Variants in OR2L2 observed in about 807,000 individuals in gnomAD.
The protein encoded by OR2L2 is olfactory receptor family 2 subfamily L member 2.
For synonymous variants in OR2L2, 156 were observed against 135.4 expected, an observed-to-expected ratio of 1.15 and a Z score of -1.06; for missense variants, 378 against 375.2, an observed-to-expected ratio of 1.01 and a Z score of -0.06.
rs1384868111 is a variant in OR2L2, at chr1:248,039,011, C to G, written c.744C>G (p.Ser248=). Residue 248 remains serine, a synonymous_variant, in exon 3 of 3, where the codon TCC becomes TCG. Coordinates refer to ENST00000641771, the MANE Select transcript of OR2L2 (RefSeq NM_001385855.1). ...STCSTHLTVV[S]FYYAPFAYTY... is the part of the protein sequence containing the mutation. ...GTAGCACCCACCTCACTGTAGTGTC[C>G]TTCTACTATGCACCCTTTGCTTATA... The G allele has an allele frequency of 6.2e-7, 1 of 1,614,044 alleles. No homozygotes were observed. The highest frequency in any genetic ancestry group is 8.5e-7 in the Non-Finnish European group (1 of 1,179,996).
At chr1:248,032,152 A>G (rs935730781) in intron 1 of OR2L2, among the ~76,000 whole-genome samples, 1 of 152,118 alleles carries the variant, frequency 6.6e-6, no homozygotes, top group Non-Finnish European at 1.5e-5. Context: ...TTGTTCTTCT[A>G]AATTGTCCCT....
In OR2L2 at chr1:248,039,179, T is replaced by A; in HGVS notation, c.912T>A (p.Ile304=). ...TGATGGGGGCCCTGACACAAGTGAT[T>A]CAGAAAATCTTCTCAGTGAAAATGT... The part of the protein sequence containing the change: ...KEVMGALTQV[I]QKIFSVKM Residue 304 remains isoleucine (I), a synonymous_variant, in exon 3 of 3, where the codon ATT becomes ATA. Transcript: ENST00000641771. 1.9e-6 allele frequency: 3 copies of A among 1,610,572 alleles called. No individual in the cohort carries two copies. The highest frequency in any genetic ancestry group is 1.3e-5 in the African/African-American group (1 of 74,908).
At position 248,038,726 on chromosome 1, in the gene OR2L2, C is replaced by G. The variant is rs1363773847; in HGVS notation, c.459C>G (p.Ile153Met). The change falls in exon 3 of 3, where the codon ATC becomes ATG. Residue 153 changes from isoleucine to methionine, a missense_variant. By Grantham distance (10) the Ile-to-Met change is conservative. Transcript: ENST00000641771. ...MITGSWMISSINSCAHTVYAL... is the reference protein window; with the variant it reads ...MITGSWMISSMNSCAHTVYAL... ...CAGGATCTTGGATGATAAGCTCTAT[C>G]AACTCTTGTGCTCACACAGTATATG... 2.5e-6 allele frequency: 4 copies of G among 1,613,990 alleles called. No individual in the cohort carries two copies. The highest frequency in any genetic ancestry group is 2.2e-5 in the South Asian group (2 of 91,076).
Position 248,040,550 on chromosome 1 carries a change from T to C in OR2L2, c.*1344T>C, listed in dbSNP as rs939711715. On this transcript the variant is annotated 3_prime_UTR_variant, in exon 3 of 3. Transcript: ENST00000641771. The stretch of plus-strand genomic sequence containing the variant: ...CCACTCAACGTGAAGACAACAATGA[T>C]GAAGAACTTTATGACAAACCTCTAT... The C allele has an allele frequency of 6.6e-6, 1 of 152,234 alleles. No individual in the cohort carries two copies. Among genetic ancestry groups the C allele is most frequent in the Non-Finnish European group, 1.5e-5 (1 of 68,046 alleles). 9.4% of individuals were successfully genotyped at this position (152,234 alleles called of 1,614,324 possible). A position where few individuals can be genotyped will look rare whatever the true frequency, so the allele number is the denominator to read the frequency against.
intron 1 of OR2L2, among the ~76,000 whole-genome samples, chr1:248,033,305 A>G (rs1341935532): frequency 2.6e-5 from 4 of 152,184 alleles, no homozygotes; most frequent in African/African-American, 7.2e-5. Flanking sequence ...GTAGATATCT[A>G]GTTTTTCAAA....
In OR2L2 at chr1:248,042,267, A is replaced by G. The variant is rs911160073; in HGVS notation, c.*3061A>G. The G allele has an allele frequency of 6.7e-6, 1 of 150,040 alleles. No homozygotes were observed. The highest frequency in any genetic ancestry group is 2.4e-5 in the African/African-American group (1 of 40,858). 9.3% of individuals were successfully genotyped at this position (150,040 alleles called of 1,614,324 possible). The stretch of plus-strand genomic sequence containing the variant: ...AACTATCACAAGAACAAAAAACCAA[A>G]CACCGCATATTCTCACTCATAGGTG... On this transcript the variant is annotated 3_prime_UTR_variant, in exon 3 of 3. Transcript: ENST00000641771.
intron 2 of OR2L2, among the ~76,000 whole-genome samples, chr1:248,036,962 A>C (rs1471910558): frequency 6.6e-6 from 1 of 152,196 alleles, no homozygotes; most frequent in Non-Finnish European, 1.5e-5. Flanking sequence ...GGAAGCAAAG[A>C]CACAGAATAT....
rs1662581243 is a variant in OR2L2 at position 248,030,219 on chromosome 1, A to G, written c.-113A>G. 1 of 152,180 alleles carries G rather than the reference A, an allele frequency of 6.6e-6. No individual in the cohort carries two copies. The highest frequency in any genetic ancestry group is 2.1e-4 in the South Asian group (1 of 4,834). 9.4% of individuals were successfully genotyped at this position (152,180 alleles called of 1,614,324 possible). On this transcript the variant is annotated 5_prime_UTR_variant, in exon 1 of 3. The change abolishes an upstream ATG in the 5' untranslated region. Coordinates refer to ENST00000641771, the MANE Select transcript of OR2L2 (RefSeq NM_001385855.1). The stretch of plus-strand genomic sequence containing the variant: ...AAGCAAAGGCACTGAGTGTTTGGAA[A>G]TGAGGAAATAATAAAGGTACTAATT...
chr1:248,037,356 C>T (rs935324400), intron 2 of OR2L2, among the ~76,000 whole-genome samples: 5 of 151,988 alleles, frequency 3.3e-5, no homozygotes, highest in Admixed American at 3.3e-4. Context: ...AAAAATCATC[C>T]AGAAAAAGTA....
At chr1:248,036,506 A>T (rs1276084825) in intron 2 of OR2L2, among the ~76,000 whole-genome samples, 1 of 152,190 alleles carries the variant, frequency 6.6e-6, no homozygotes, top group East Asian at 1.9e-4. Context: ...ATACACGTGT[A>T]TTGATCCTTA....
At chr1:248,032,766 A>C in intron 1 of OR2L2, among the ~76,000 whole-genome samples, 1 of 152,134 alleles carries the variant, frequency 6.6e-6, no homozygotes, top group Non-Finnish European at 1.5e-5. Context: ...TGGACACTTA[A>C]GTTGTCTCTG....
In OR2L2 at chr1:248,038,572, TC is replaced by T. The variant is rs749429820; in HGVS notation, c.306del (p.Phe103SerfsTer2). The part of the protein sequence containing the change: ...SFTGCGIQSF[F>X]FLTLAVAEGL... ...ACTGGATGTGGGATTCAGAGTTTCT[TC>T]TTCTTGACTTTAGCAGTTGCAGAAG... On this transcript the variant is annotated frameshift_variant, in exon 3 of 3. Transcript: ENST00000641771. LOFTEE classifies it low-confidence loss of function (END_TRUNC). 2.5e-6 allele frequency: 4 copies of T among 1,614,212 alleles called. No homozygotes were observed. In the South Asian group the frequency reaches 4.4e-5, roughly 18 times the overall value.
intron 1 of OR2L2, among the ~76,000 whole-genome samples, chr1:248,031,405 G>T (rs1480906578): frequency 6.6e-6 from 1 of 152,202 alleles, no homozygotes; most frequent in Non-Finnish European, 1.5e-5. Flanking sequence ...CTGGTAGAAA[G>T]AAAGACTTTT....
rs138166879 is a variant in OR2L2, at chr1:248,039,046, G to A, written c.779G>A (p.Arg260His). The A allele has an allele frequency of 7.7e-5, 124 of 1,613,846 alleles. No individual in the cohort carries two copies. Among genetic ancestry groups the A allele is most frequent in the East Asian group, 5.3e-4 (24 of 44,882 alleles). The change falls in exon 3 of 3, where the codon CGT (arginine) becomes CAT (histidine). Residue 260 changes from arginine (R) to histidine (H), a missense_variant. Physicochemically the swap from Arg to His is conservative, Grantham distance 29 (BLOSUM62 0). Coordinates refer to ENST00000641771, the MANE Select transcript of OR2L2 (RefSeq NM_001385855.1). ...GCACCCTTTGCTTATACCTATGTAC[G>A]TCCAAGATCCCTGCGATCTCCAACA... ...YYAPFAYTYVRPRSLRSPTED... is the reference protein window; with the variant it reads ...YYAPFAYTYVHPRSLRSPTED...
intron 2 of OR2L2, among the ~76,000 whole-genome samples, chr1:248,037,410 A>C (rs1431315255): frequency 6.6e-6 from 1 of 152,144 alleles, no homozygotes; most frequent in Non-Finnish European, 1.5e-5. Context: ...TATGCATTTA[A>C]TTTACCTTCC....
rs1662920170 is a variant in OR2L2 at position 248,040,499 on chromosome 1, C to G, written c.*1293C>G. 6.6e-6 allele frequency: 1 copy of G among 152,334 alleles called. No homozygotes were observed. The highest frequency in any genetic ancestry group is 1.5e-5 in the Non-Finnish European group (1 of 68,148). The allele number at this position is 152,334 out of a possible 1,614,324, so 9.4% of individuals were successfully genotyped here. ...CCACTCCTGAGACAACAAGTACAAC[C>G]TCTCCTCCTCTTCCTCCGCCTCAGC... On this transcript the variant is annotated 3_prime_UTR_variant, in exon 3 of 3. Coordinates refer to ENST00000641771, the MANE Select transcript of OR2L2 (RefSeq NM_001385855.1).
Position 248,039,296 on chromosome 1 carries a change from G to A in OR2L2, c.*90G>A. 2 of 1,221,736 alleles carry A rather than the reference G, an allele frequency of 1.6e-6. No individual in the cohort carries two copies. Among genetic ancestry groups the A allele is most frequent in the Non-Finnish European group, 2.3e-6 (2 of 877,336 alleles). The allele number at this position is 1,221,736 out of a possible 1,614,324, so 75.7% of individuals were successfully genotyped here. Reference sequence around the variant, plus strand: ...AGAAAAACATTATTACATGCCCAGTGTGTCAAACAGAAGTTAATCTAGAAG... The same window carrying A: ...AGAAAAACATTATTACATGCCCAGTATGTCAAACAGAAGTTAATCTAGAAG... On this transcript the variant is annotated 3_prime_UTR_variant, in exon 3 of 3. Coordinates refer to ENST00000641771, the MANE Select transcript of OR2L2 (RefSeq NM_001385855.1).
intron 2 of OR2L2, 75 bp from the exon 3 acceptor site, chr1:248,038,172 T>C: frequency 1.2e-6 from 1 of 848,140 alleles, no homozygotes. Context: ...AGGCATCCAC[T>C]GGGAGTCTTG....
intron 2 of OR2L2, among the ~76,000 whole-genome samples, chr1:248,037,778 C>T (rs369330538): frequency 2.0e-5 from 3 of 152,096 alleles, no homozygotes; most frequent in South Asian, 2.1e-4. Context: ...TAATCAAATG[C>T]GGTCTGAAAA....
Sources: gnomAD v4.1 joint callset for allele counts (sites outside exome capture counted in the v4.1 genomes callset) on GRCh38, gnomAD v4.1.1 for gene constraint, MANE v1.5 for transcripts, NCBI Gene and HGNC (gene_info 2026-07-23, HGNC 2026-07-21) for gene names.